Variants in EPB41L5 observed in about 807,000 individuals in gnomAD.
The protein encoded by EPB41L5 is erythrocyte membrane protein band 4.1 like 5.
Under a neutral mutation model 106.6 loss-of-function variants are expected in EPB41L5, and 55 were observed. The observed-to-expected ratio is 0.52, with a 90% confidence interval of 0.42 to 0.65. The LOEUF (loss-of-function observed/expected upper bound fraction) is 0.65. EPB41L5 is among the 30% of genes least tolerant of loss of function. The pLI is 0.00. For missense variants in EPB41L5, 871 were observed against 882.1 expected, an observed-to-expected ratio of 0.99 and a Z score of 0.16; for synonymous variants, 297 against 306.7, an observed-to-expected ratio of 0.97 and a Z score of 0.33.
At chr2:120,116,188 A>G (rs1489878735) in intron 16 of EPB41L5, among the ~76,000 whole-genome samples, 1 of 152,192 alleles carries the variant, frequency 6.6e-6, no homozygotes, top group African/African-American at 2.4e-5. Flanking sequence ...TCAGTAGTAC[A>G]TGTAAACTTT....
chr2:120,115,334 A>T (rs754608228), intron 16 of EPB41L5, among the ~76,000 whole-genome samples: 1 of 152,018 alleles, frequency 6.6e-6, no homozygotes, highest in African/African-American at 2.4e-5. Context: ...CACTTCTTCC[A>T]TTACTGCCTT....
At chr2:120,041,966 T>C (rs1266294406) in intron 2 of EPB41L5, 40 bp from the exon 3 acceptor site, 2 of 1,481,294 alleles carry the variant, frequency 1.4e-6, no homozygotes, top group Non-Finnish European at 9.4e-7. Context: ...GTTGATCTTA[T>C]AAACCACTTA....
chr2:120,165,923 G>A (rs1169657983), intron 22 of EPB41L5, among the ~76,000 whole-genome samples: 1 of 123,658 alleles, frequency 8.1e-6, no homozygotes, highest in Non-Finnish European at 1.6e-5. Flanking sequence ...AGCCGAGATA[G>A]CACCATTGCA....
At chr2:120,022,013 T>A (rs1243828209) in intron 2 of EPB41L5, among the ~76,000 whole-genome samples, 1 of 152,198 alleles carries the variant, frequency 6.6e-6, no homozygotes, top group African/African-American at 2.4e-5. Flanking sequence ...TTTCAGTGAA[T>A]GACAAAGGTA....
At chr2:120,056,621 A>T (rs1321201606) in intron 3 of EPB41L5, among the ~76,000 whole-genome samples, 3 of 149,686 alleles carry the variant, frequency 2.0e-5, no homozygotes, top group Non-Finnish European at 4.4e-5. Flanking sequence ...GTATTTGATG[A>T]TTATTTTGGT....
chr2:120,147,540 G>GCTT (rs1686461869), intron 20 of EPB41L5, among the ~76,000 whole-genome samples: 1 of 149,308 alleles, frequency 6.7e-6, no homozygotes, highest in Non-Finnish European at 1.5e-5. Context: ...CAGGAGAATT[G>GCTT]CTTGAACCCA....
intron 3 of EPB41L5, among the ~76,000 whole-genome samples, chr2:120,066,308 G>A (rs1402287175): frequency 6.6e-6 from 1 of 152,008 alleles, no homozygotes; most frequent in South Asian, 2.1e-4. Context: ...TAACATCTCT[G>A]TTACATTATT....
At chr2:120,070,042 C>CT (rs1477202548) in intron 3 of EPB41L5, among the ~76,000 whole-genome samples, 1 of 151,994 alleles carries the variant, frequency 6.6e-6, no homozygotes, top group Admixed American at 6.6e-5. Context: ...TTGTAAAGAG[C>CT]TCCTGAAGGA....
At chr2:120,106,658 A>G in intron 16 of EPB41L5, 1 of 984,784 alleles carries the variant, frequency 1.0e-6, no homozygotes, top group Non-Finnish European at 1.2e-6. Flanking sequence ...TAATTAATTT[A>G]ACATCTTGAA....
At chr2:120,163,156 G>A (rs1408816883) in intron 21 of EPB41L5, among the ~76,000 whole-genome samples, 1 of 151,738 alleles carries the variant, frequency 6.6e-6, no homozygotes, top group Non-Finnish European at 1.5e-5. Flanking sequence ...TTGGGCAGCT[G>A]ATGTGGGAGG....
intron 21 of EPB41L5, among the ~76,000 whole-genome samples, chr2:120,163,781 C>A (rs1687251495): frequency 6.6e-6 from 1 of 150,980 alleles, no homozygotes; most frequent in Admixed American, 6.6e-5. Flanking sequence ...ATAAGTGAGA[C>A]CCTGTCTCTA....
Position 120,018,030 on chromosome 2 carries a change from C to T in EPB41L5, c.-8-1047C>T, listed in dbSNP as rs545810199. Among the ~76,000 whole-genome samples the T allele has an allele frequency of 6.9e-4, 104 of 150,828 alleles. No individual in the cohort carries two copies. In the East Asian group the frequency reaches 7.7e-3, roughly 11 times the overall value. ...AGGCTGGAGTACCGTGGCGCCATCT[C>T]GGCTCACTGCAAGCTCCACCTCCCG... On this transcript the variant is annotated intron_variant, in intron 1 of 24. Coordinates refer to ENST00000263713, the MANE Select transcript of EPB41L5 (RefSeq NM_020909.4).
At chr2:120,106,142 A>T (rs1684440988) in intron 16 of EPB41L5, 2 of 985,212 alleles carry the variant, frequency 2.0e-6, no homozygotes, top group East Asian at 1.1e-4. Context: ...TTAAGGGAAG[A>T]TTCACCTCAT....
At chr2:120,095,414 TCTC>T (rs1396610154) in intron 14 of EPB41L5, among the ~76,000 whole-genome samples, 1 of 152,086 alleles carries the variant, frequency 6.6e-6, no homozygotes, top group Non-Finnish European at 1.5e-5. Context: ...GTCTTTCTCT[TCTC>T]CTTCTGGAAT....
chr2:120,029,434 G>T (rs1188204337), intron 2 of EPB41L5, among the ~76,000 whole-genome samples: 1 of 152,122 alleles, frequency 6.6e-6, no homozygotes, highest in Non-Finnish European at 1.5e-5. Context: ...GACCTGAAGT[G>T]ATTCACCTGC....
At chr2:120,084,044 CTCTT>C (rs1252747771) in intron 10 of EPB41L5, among the ~76,000 whole-genome samples, 2 of 152,146 alleles carry the variant, frequency 1.3e-5, no homozygotes, top group Non-Finnish European at 2.9e-5. Context: ...TGGGTCTTGA[CTCTT>C]TATCCAATTT....
chr2:120,040,713 A>G (rs2105205412), intron 2 of EPB41L5, among the ~76,000 whole-genome samples: 1 of 152,284 alleles, frequency 6.6e-6, no homozygotes, highest in East Asian at 1.9e-4. Context: ...AAATAGAAGT[A>G]TGTCTATAAA....
At chr2:120,144,550 T>C (rs1159099426) in intron 19 of EPB41L5, among the ~76,000 whole-genome samples, 1 of 152,170 alleles carries the variant, frequency 6.6e-6, no homozygotes, top group Non-Finnish European at 1.5e-5. Context: ...AAAGACCTTC[T>C]CATGAAGAGA....
intron 3 of EPB41L5, among the ~76,000 whole-genome samples, chr2:120,072,350 C>T (rs571144916): frequency 2.0e-5 from 3 of 152,238 alleles, no homozygotes; most frequent in South Asian, 4.2e-4. Context: ...ATTGGTTCAA[C>T]CATTGTGGAA....
Sources: gnomAD v4.1 joint callset for allele counts (sites outside exome capture counted in the v4.1 genomes callset) on GRCh38, gnomAD v4.1.1 for gene constraint, MANE v1.5 for transcripts, NCBI Gene and HGNC (gene_info 2026-07-23, HGNC 2026-07-21) for gene names.